The following GPC6 variants were observed in gnomAD, a reference collection of about 807,000 sequenced individuals.
GPC6 encodes glypican-6.
GPC6 carries 14 observed loss-of-function variants against 55.2 expected under a neutral mutation model. The ratio of observed to expected loss-of-function variants is 0.25; its 90% CI spans 0.17 to 0.40. The LOEUF (loss-of-function observed/expected upper bound fraction) is 0.40, where lower values mean the gene tolerates loss of function less well. Ranked by LOEUF, GPC6 falls within the 10% of genes least tolerant of loss-of-function variation. The pLI is 1.00. For synonymous variants in GPC6, 278 were observed against 259.6 expected (o/e 1.07, Z -0.68); for missense variants, 641 against 708.5 (o/e 0.90, Z 1.08).
intron 1 of GPC6, among the ~76,000 whole-genome samples, chr13:93,456,055 C>T (rs1878441351): frequency 6.6e-6 from 1 of 152,148 alleles, no homozygotes; most frequent in African/African-American, 2.4e-5. Context: ...AGCTTTGTAG[C>T]TGTTTACCAC....
intron 4 of GPC6, among the ~76,000 whole-genome samples, chr13:94,202,331 A>T (rs1889778050): frequency 6.6e-6 from 1 of 152,220 alleles, no homozygotes; most frequent in Non-Finnish European, 1.5e-5. Context: ...ATAAAGACAT[A>T]CCTGAGACTG....
chr13:93,712,081 A>G (rs1447391018), intron 2 of GPC6, among the ~76,000 whole-genome samples: 1 of 151,734 alleles, frequency 6.6e-6, no homozygotes, highest in Non-Finnish European at 1.5e-5. Flanking sequence ...CCTGTGTTCC[A>G]GGCTCTGCTT....
chr13:93,849,969 A>G (rs946803239), intron 3 of GPC6, among the ~76,000 whole-genome samples: 7 of 152,136 alleles, frequency 4.6e-5, no homozygotes, highest in African/African-American at 7.2e-5. Flanking sequence ...CACATTTACA[A>G]TTAAGCTGTT....
chr13:93,809,088 A>G (rs1412691100), intron 2 of GPC6, among the ~76,000 whole-genome samples: 2 of 152,228 alleles, frequency 1.3e-5, no homozygotes, highest in African/African-American at 4.8e-5. Flanking sequence ...AACAGATTGT[A>G]TTGATTTACT....
At chr13:93,329,759 G>T (rs11618902) in intron 1 of GPC6, among the ~76,000 whole-genome samples, 1 of 151,736 alleles carries the variant, frequency 6.6e-6, no homozygotes. Flanking sequence ...CTAGTGTTAT[G>T]TGTCCATCAA....
intron 4 of GPC6, among the ~76,000 whole-genome samples, chr13:94,112,429 C>T (rs563749405): frequency 2.0e-5 from 3 of 152,256 alleles, no homozygotes; most frequent in South Asian, 4.1e-4. Context: ...CTCTGGAATT[C>T]GCACACACAC....
At chr13:93,584,234 A>G (rs1877080561) in intron 2 of GPC6, among the ~76,000 whole-genome samples, 1 of 152,146 alleles carries the variant, frequency 6.6e-6, no homozygotes. Flanking sequence ...GAGGGTGGAA[A>G]TATTTTGGGG....
chr13:93,653,220 A>T (rs1009322682), intron 2 of GPC6, among the ~76,000 whole-genome samples: 1 of 152,180 alleles, frequency 6.6e-6, no homozygotes, highest in African/African-American at 2.4e-5. Flanking sequence ...TCCTATAGTT[A>T]TCAATATCAT....
At chr13:93,645,668 A>G (rs1314804982) in intron 2 of GPC6, among the ~76,000 whole-genome samples, 1 of 152,136 alleles carries the variant, frequency 6.6e-6, no homozygotes, top group Non-Finnish European at 1.5e-5. Context: ...GAAAAATAAT[A>G]TGCTATTCAT....
intron 1 of GPC6, among the ~76,000 whole-genome samples, chr13:93,376,067 G>C (rs1047588248): frequency 3.0e-5 from 2 of 65,904 alleles, no homozygotes; most frequent in African/African-American, 4.6e-5. Context: ...TTTTTTTTTT[G>C]ATGAGGGAGA....
At chr13:94,154,511 AACTTTGCCAACATGTACCATGTG>A in intron 4 of GPC6, 1 of 152,276 alleles carries the variant, frequency 6.6e-6, no homozygotes, top group East Asian at 1.9e-4. Context: ...TGGGGCTAAA[AACTTTGCCAACATGTACCATGTG>A]ACTGCAACTG....
chr13:93,883,045 A>G lies in GPC6; in HGVS notation c.711+52500A>G, dbSNP rs1192651966. On this transcript the variant is annotated intron_variant, in intron 3 of 8. Transcript: ENST00000377047. ...TTTTTTTCTCCTGCTTCCTTAAATA[A>G]AATCCAAATTCCCCAGAGAATTTTG... Among the ~76,000 whole-genome samples, 5 of 151,642 alleles carry G rather than the reference A, an allele frequency of 3.3e-5. No homozygotes were observed. The East Asian group carries it at 7.8e-4, about 24-fold the overall frequency.
At chr13:93,531,054 A>G (rs750680728) in intron 1 of GPC6, among the ~76,000 whole-genome samples, 63 of 152,136 alleles carry the variant, frequency 4.1e-4, no homozygotes, top group Non-Finnish European at 7.6e-4. Context: ...AATAAAAATA[A>G]TATGCAAAGG....
intron 2 of GPC6, among the ~76,000 whole-genome samples, chr13:93,706,357 A>AT (rs1882849111): frequency 6.6e-6 from 1 of 151,932 alleles, no homozygotes; most frequent in Non-Finnish European, 1.5e-5. Context: ...ATCATATCAG[A>AT]TTAAAAGTCT....
intron 4 of GPC6, among the ~76,000 whole-genome samples, chr13:94,063,337 A>G (rs1884400530): frequency 1.3e-5 from 2 of 152,218 alleles, no homozygotes; most frequent in Admixed American, 6.5e-5. Context: ...GAATTCTTCA[A>G]CAAAGTATTT....
At chr13:94,365,129 C>T (rs1195403204) in intron 6 of GPC6, among the ~76,000 whole-genome samples, 1 of 152,152 alleles carries the variant, frequency 6.6e-6, no homozygotes, top group African/African-American at 2.4e-5. Context: ...AGGCCCACAA[C>T]CATGATGAAT....
intron 3 of GPC6, among the ~76,000 whole-genome samples, chr13:93,964,335 C>T (rs921291687): frequency 6.6e-6 from 1 of 152,050 alleles, no homozygotes; most frequent in Non-Finnish European, 1.5e-5. Flanking sequence ...ATAATGATAT[C>T]ATGCATTAGT....
intron 2 of GPC6, among the ~76,000 whole-genome samples, chr13:93,567,253 A>C (rs777601757): frequency 2.6e-5 from 4 of 152,186 alleles, no homozygotes; most frequent in Non-Finnish European, 4.4e-5. Flanking sequence ...TTCTGGAAAC[A>C]ATGAAGATGG....
chr13:93,899,808 T>A (rs1876245732), intron 3 of GPC6, among the ~76,000 whole-genome samples: 1 of 152,110 alleles, frequency 6.6e-6, no homozygotes, highest in Admixed American at 6.6e-5. Flanking sequence ...AATTGAAAAA[T>A]CATGTTATTT....
Sources: gnomAD v4.1 joint callset for allele counts (sites outside exome capture counted in the v4.1 genomes callset) on GRCh38, gnomAD v4.1.1 for gene constraint, MANE v1.5 for transcripts, NCBI Gene and HGNC (gene_info 2026-07-23, HGNC 2026-07-21) for gene names.